The following EXOC4 variants were observed in gnomAD, a reference collection of about 807,000 sequenced individuals.
EXOC4 encodes the protein exocyst complex component 4, also known as SEC8-like 1.
A neutral mutation model predicts 107.2 loss-of-function variants in EXOC4; 71 were observed. The ratio of observed to expected loss-of-function variants is 0.66; its 90% CI spans 0.55 to 0.81. EXOC4 has a LOEUF of 0.81. Among genes scored for constraint, EXOC4 ranks in the 30% least tolerant of loss-of-function variants. The pLI, the probability that EXOC4 is intolerant of heterozygous loss-of-function variation, is 0.00. For synonymous variants in EXOC4, 456 were observed against 441.2 expected (o/e 1.03, Z -0.42); for missense variants, 1,108 against 1,189.6 (o/e 0.93, Z 1.01).
intron 17 of EXOC4, among the ~76,000 whole-genome samples, chr7:134,051,786 C>T (rs928453841): frequency 2.0e-5 from 3 of 151,930 alleles, no homozygotes; most frequent in African/African-American, 7.3e-5. Context: ...GAGATCGAGA[C>T]CATCCTGGCT....
chr7:134,064,248 C>A, intron 17 of EXOC4, 43 bp from the exon 18 acceptor site: 2 of 1,322,446 alleles, frequency 1.5e-6, no homozygotes, highest in South Asian at 1.9e-5. Context: ...GACGACGTTA[C>A]CAGTGGGGAG....
At chr7:133,263,374 CTT>C (rs920302686) in intron 1 of EXOC4, among the ~76,000 whole-genome samples, 350 of 83,938 alleles carry the variant, frequency 4.2e-3, no homozygotes, top group African/African-American at 0.016. Context: ...AAAAAGCATT[CTT>C]TTTTTTTTTT....
intron 10 of EXOC4, among the ~76,000 whole-genome samples, chr7:133,787,058 G>A (rs185861731): frequency 9.2e-5 from 14 of 152,118 alleles, no homozygotes; most frequent in Admixed American, 9.2e-4. Context: ...GATGCAAAGT[G>A]CTTTAGGCGT....
chr7:133,950,055 G>A (rs962427772), intron 14 of EXOC4, among the ~76,000 whole-genome samples: 24 of 151,714 alleles, frequency 1.6e-4, no homozygotes, highest in Non-Finnish European at 3.1e-4. Context: ...CTATCTCTTT[G>A]GAACTCCCCA....
chr7:133,661,671 C>CAAAAAA (rs1793682703), intron 10 of EXOC4, among the ~76,000 whole-genome samples: 1 of 14,470 alleles, frequency 6.9e-5, no homozygotes, highest in Non-Finnish European at 1.2e-4. Context: ...CTCCTTAAAA[C>CAAAAAA]TAAAAAAAAA....
chr7:133,408,253 T>A (rs1283090611), intron 7 of EXOC4, among the ~76,000 whole-genome samples: 1 of 119,412 alleles, frequency 8.4e-6, no homozygotes, highest in Non-Finnish European at 1.7e-5. Flanking sequence ...GTTGGTGGGG[T>A]GGGACTGGTG....
intron 10 of EXOC4, among the ~76,000 whole-genome samples, chr7:133,705,942 C>T (rs757177159): frequency 6.6e-6 from 1 of 152,190 alleles, no homozygotes; most frequent in East Asian, 1.9e-4. Flanking sequence ...GAAAGCAAAA[C>T]TGTAGATAAG....
intron 7 of EXOC4, among the ~76,000 whole-genome samples, chr7:133,425,149 A>G (rs1002168166): frequency 6.6e-6 from 1 of 152,118 alleles, no homozygotes; most frequent in Non-Finnish European, 1.5e-5. Context: ...GCTTCAGGGG[A>G]TAGGGAGATG....
chr7:133,655,660 C>T (rs1803274209), intron 10 of EXOC4, among the ~76,000 whole-genome samples: 1 of 152,166 alleles, frequency 6.6e-6, no homozygotes, highest in African/African-American at 2.4e-5. Flanking sequence ...CTATCTTCCA[C>T]CTCCACATCT....
At chr7:133,639,410 A>T (rs988544401) in intron 10 of EXOC4, among the ~76,000 whole-genome samples, 3 of 152,142 alleles carry the variant, frequency 2.0e-5, no homozygotes, top group Admixed American at 6.5e-5. Flanking sequence ...CTGTGTTTTT[A>T]AAAAATGTGT....
chr7:133,923,877 A>G (rs537630332), intron 13 of EXOC4, among the ~76,000 whole-genome samples: 1 of 152,174 alleles, frequency 6.6e-6, no homozygotes, highest in African/African-American at 2.4e-5. Flanking sequence ...TGCTGAATAT[A>G]TTTTCCCCCT....
At chr7:133,382,185 T>G (rs1157010143) in intron 7 of EXOC4, among the ~76,000 whole-genome samples, 1 of 152,178 alleles carries the variant, frequency 6.6e-6, no homozygotes, top group African/African-American at 2.4e-5. Context: ...ACTTGAGGTA[T>G]TGTTTAGTAG....
At chr7:133,494,458 G>A (rs953283219) in intron 9 of EXOC4, among the ~76,000 whole-genome samples, 21 of 152,166 alleles carry the variant, frequency 1.4e-4, no homozygotes, top group African/African-American at 4.6e-4. Flanking sequence ...ACTGATAAAA[G>A]CAAGGCAATT....
intron 7 of EXOC4, among the ~76,000 whole-genome samples, chr7:133,405,544 T>A (rs1317188740): frequency 6.6e-6 from 1 of 152,176 alleles, no homozygotes; most frequent in Non-Finnish European, 1.5e-5. Flanking sequence ...TGGATTATAA[T>A]TTAGGGCTAG....
In EXOC4 at chr7:133,874,898, T is replaced by G. The variant is rs561125004; in HGVS notation, c.1735-20701T>G. Reference sequence around the variant, plus strand: ...AGTAAAGGTTCTCCTCTGTGAATTTTGGGGGCTGTTTATTGGCTCTAAAGG... The same window carrying G: ...AGTAAAGGTTCTCCTCTGTGAATTTGGGGGGCTGTTTATTGGCTCTAAAGG... On this transcript the variant is annotated intron_variant, in intron 11 of 17. Transcript: ENST00000253861. Among the ~76,000 whole-genome samples the G allele has an allele frequency of 3.9e-5, 6 of 152,350 alleles. No individual in the cohort carries two copies. In the South Asian group the frequency reaches 1.2e-3, roughly 32 times the overall value.
intron 9 of EXOC4, among the ~76,000 whole-genome samples, chr7:133,490,453 AC>A (rs1270802449): frequency 6.6e-6 from 1 of 152,192 alleles, no homozygotes; most frequent in Admixed American, 6.5e-5. Context: ...CTCGGTTATA[AC>A]AGATGAAGAG....
chr7:133,855,121 A>ATATAAATATG (rs1157007272), intron 11 of EXOC4, among the ~76,000 whole-genome samples: 21 of 89,742 alleles, frequency 2.3e-4, no homozygotes, highest in East Asian at 7.4e-4. Flanking sequence ...ATAAATATAT[A>ATATAAATATG]TATATAAATA....
intron 17 of EXOC4, among the ~76,000 whole-genome samples, chr7:134,013,582 T>C (rs1379906844): frequency 4.6e-5 from 7 of 152,242 alleles, no homozygotes; most frequent in Admixed American, 3.3e-4. Context: ...GTAACAAATG[T>C]ATCATACTAA....
intron 4 of EXOC4, among the ~76,000 whole-genome samples, chr7:133,310,993 A>G (rs1370206104): frequency 6.6e-6 from 1 of 152,242 alleles, no homozygotes; most frequent in African/African-American, 2.4e-5. Flanking sequence ...AGAAGACCAG[A>G]TGTTTTTGAA....
Sources: gnomAD v4.1 joint callset for allele counts (sites outside exome capture counted in the v4.1 genomes callset) on GRCh38, gnomAD v4.1.1 for gene constraint, MANE v1.5 for transcripts, NCBI Gene and HGNC (gene_info 2026-07-23, HGNC 2026-07-21) for gene names.